RNF115: variants seen among roughly 807,000 people sequenced by gnomAD.
RNF115 encodes the protein ring finger protein 115.
In RNF115, 31 loss-of-function variants were observed where a neutral mutation model predicts 39.2. The ratio of observed to expected loss-of-function variants is 0.79; its 90% confidence interval spans 0.59 to 1.07. The LOEUF (loss-of-function observed/expected upper bound fraction) is 1.07, where lower values mean the gene tolerates loss of function less well. Ranked by LOEUF, RNF115 falls within the 50% of genes least tolerant of loss-of-function variation. The pLI, the probability that RNF115 is intolerant of heterozygous loss-of-function variation, is 0.00. For missense variants in RNF115, 384 were observed against 381.7 expected (o/e 1.01, Z -0.05); for synonymous variants, 124 against 131.0 (o/e 0.95, Z 0.37).
At chr1:145,822,313 CAA>C (rs1360699501) in intron 1 of RNF115, among the ~76,000 whole-genome samples, 156 of 130,252 alleles carry the variant, frequency 1.2e-3, no homozygotes, top group Admixed American at 1.5e-3. Flanking sequence ...GAGGCTGTCT[CAA>C]AAAAAAAAAA....
intron 4 of RNF115, among the ~76,000 whole-genome samples, chr1:145,769,235 T>C (rs1647527254): frequency 6.6e-6 from 1 of 152,222 alleles, no homozygotes; most frequent in South Asian, 2.1e-4. Flanking sequence ...CTAAACTCTC[T>C]GTGCCTCAGT....
Position 145,784,678 on chromosome 1 carries a change from G to A in RNF115, c.162-82C>T, listed in dbSNP as rs1553717913. The A allele has an allele frequency of 5.8e-6, 7 of 1,213,800 alleles. No homozygotes were observed. In the African/African-American group the frequency reaches 9.0e-5, roughly 16 times the overall value. 75.2% of individuals were successfully genotyped at this position (1,213,800 alleles called of 1,614,324 possible). On this transcript the variant is annotated intron_variant, in intron 2 of 8. Transcript: ENST00000582693. ...GAAGCTAAATATAGAATGGCATAAT[G>A]AGAACAAAGCCCAATAAGGAAAAAT...
chr1:145,756,996 TG>T (rs1553713263), intron 4 of RNF115, among the ~76,000 whole-genome samples: 2 of 151,900 alleles, frequency 1.3e-5, no homozygotes, highest in East Asian at 3.9e-4. Context: ...CCACCACGCC[TG>T]GCTAATTTTT....
At chr1:145,790,430 G>A (rs587767309) in intron 1 of RNF115, among the ~76,000 whole-genome samples, 1 of 151,296 alleles carries the variant, frequency 6.6e-6, no homozygotes, top group Non-Finnish European at 1.5e-5. Flanking sequence ...ATGAGCCACT[G>A]CGCCCGGCCT....
chr1:145,753,219 T>C (rs1658163628), intron 4 of RNF115, among the ~76,000 whole-genome samples, 170 bp from the exon 5 acceptor site: 1 of 152,210 alleles, frequency 6.6e-6, no homozygotes, highest in Admixed American at 6.5e-5. Flanking sequence ...GTGTGCTATT[T>C]TGCTATTATG....
At position 145,788,891 on chromosome 1, in the gene RNF115, A is replaced by T; in HGVS notation, c.161+17T>A. ...TGATAATAGAATGTCTGATTTATTC[A>T]TGAGCTTGTACAATACCTGGAATCA... is the stretch of plus-strand genomic sequence containing the variant. On this transcript the variant is annotated intron_variant, in intron 2 of 8. Transcript: ENST00000582693. 1 of 1,561,556 alleles carries T rather than the reference A, an allele frequency of 6.4e-7. No individual in the cohort carries two copies. The highest frequency in any genetic ancestry group is 1.1e-5 in the South Asian group (1 of 90,074).
chr1:145,756,377 T>C (rs985984930), intron 4 of RNF115, among the ~76,000 whole-genome samples: 2 of 152,026 alleles, frequency 1.3e-5, no homozygotes, highest in African/African-American at 4.8e-5. Context: ...TGAGAATCAC[T>C]TGAACCCAGG....
At chr1:145,759,653 G>A (rs1658427493) in intron 4 of RNF115, among the ~76,000 whole-genome samples, 1 of 152,056 alleles carries the variant, frequency 6.6e-6, no homozygotes, top group Non-Finnish European at 1.5e-5. Flanking sequence ...ACACCTCGCA[G>A]CCCCCCATTC....
intron 1 of RNF115, among the ~76,000 whole-genome samples, chr1:145,815,559 C>T (rs1649954588): frequency 6.6e-6 from 1 of 152,252 alleles, no homozygotes; most frequent in African/African-American, 2.4e-5. Flanking sequence ...AACACCTTTA[C>T]ACTCCATGAC....
chr1:145,749,302 C>T (rs782007682), intron 7 of RNF115, among the ~76,000 whole-genome samples: 25 of 152,154 alleles, frequency 1.6e-4, no homozygotes, highest in Admixed American at 1.0e-3. Flanking sequence ...CCAAATTCCA[C>T]GGTCTTAACC....
At position 145,745,633 on chromosome 1, in the gene RNF115, T is replaced by G. The variant is rs1330121153; in HGVS notation, c.*1233A>C. 6.6e-6 allele frequency: 1 copy of G among 151,638 alleles called. No individual in the cohort carries two copies. The highest frequency in any genetic ancestry group is 1.5e-5 in the Non-Finnish European group (1 of 67,994). The allele number at this position is 151,638 out of a possible 1,614,324, so 9.4% of individuals were successfully genotyped here. On this transcript the variant is annotated 3_prime_UTR_variant, in exon 9 of 9. Coordinates refer to ENST00000582693, the MANE Select transcript of RNF115 (RefSeq NM_014455.4). The stretch of plus-strand genomic sequence containing the variant: ...CCACCACGCCCAGCTAATTTTATAT[T>G]TTTAGTAGAGACAAGGTTTTACCTT...
At chr1:145,771,538 G>A (rs1237506302) in intron 4 of RNF115, among the ~76,000 whole-genome samples, 173 bp downstream of exon 4, 2 of 152,046 alleles carry the variant, frequency 1.3e-5, no homozygotes, top group Non-Finnish European at 2.9e-5. Context: ...CTCACTCTCT[G>A]GTTTATCATC....
intron 6 of RNF115, among the ~76,000 whole-genome samples, chr1:145,751,018 A>G (rs1480894316): frequency 6.6e-6 from 1 of 152,216 alleles, no homozygotes; most frequent in Non-Finnish European, 1.5e-5. Flanking sequence ...AAGTGGAAGC[A>G]ATTATACATG....
At chr1:145,806,523 A>C (rs928767091) in intron 1 of RNF115, among the ~76,000 whole-genome samples, 1 of 152,134 alleles carries the variant, frequency 6.6e-6, no homozygotes, top group African/African-American at 2.4e-5. Flanking sequence ...TCTAAATCTC[A>C]TGTTGAAATT....
intron 6 of RNF115, 109 bp from the exon 7 acceptor site, chr1:145,750,609 A>ACT (rs1658044347): frequency 2.6e-6 from 2 of 775,054 alleles, no homozygotes; most frequent in Non-Finnish European, 4.3e-6. Flanking sequence ...TATGTTAGTT[A>ACT]CTCTTACTTC....
At chr1:145,751,793 T>C (rs1195825303) in intron 5 of RNF115, among the ~76,000 whole-genome samples, 1 of 152,206 alleles carries the variant, frequency 6.6e-6, no homozygotes, top group African/African-American at 2.4e-5. Flanking sequence ...CATTGCCTGT[T>C]GGTTTCAAAA....
intron 4 of RNF115, among the ~76,000 whole-genome samples, chr1:145,766,444 T>C (rs1553714846): frequency 1.3e-5 from 2 of 152,110 alleles, no homozygotes; most frequent in African/African-American, 2.4e-5. Context: ...TTTCCTCACC[T>C]TTCCCCGCTT....
intron 3 of RNF115, among the ~76,000 whole-genome samples, chr1:145,777,887 C>T (rs782481850): frequency 6.6e-6 from 1 of 152,192 alleles, no homozygotes; most frequent in Non-Finnish European, 1.5e-5. Flanking sequence ...TTGCTCTACA[C>T]TAACCATGAT....
chr1:145,748,236 A>G, intron 7 of RNF115, 126 bp from the exon 8 acceptor site: 1 of 651,870 alleles, frequency 1.5e-6, no homozygotes, highest in Non-Finnish European at 2.8e-6. Flanking sequence ...GAAAATGTAC[A>G]CCCAAGTAGC....
Sources: allele counts gnomAD v4.1 joint callset (sites outside exome capture counted in the v4.1 genomes callset), GRCh38; gene constraint gnomAD v4.1.1; transcripts MANE v1.5; gene names NCBI Gene and HGNC (gene_info 2026-07-23, HGNC 2026-07-21).